CDK5RAP2: variants seen among roughly 807,000 people sequenced by gnomAD.
CDK5RAP2 encodes CDK5 regulatory subunit associated protein 2.
Under a neutral mutation model 232.9 loss-of-function variants are expected in CDK5RAP2, and 147 were observed. The ratio of observed to expected loss-of-function variants is 0.63; its 90% confidence interval spans 0.55 to 0.72. The LOEUF is 0.72. Ranked by LOEUF, CDK5RAP2 falls within the 30% of genes least tolerant of loss-of-function variation. The pLI, the probability that CDK5RAP2 is intolerant of heterozygous loss-of-function variation, is 0.00. For synonymous variants in CDK5RAP2, 833 were observed against 833.7 expected, an observed-to-expected ratio of 1.00 and a Z score of 0.01; for missense variants, 2,195 against 2,231.5, an observed-to-expected ratio of 0.98 and a Z score of 0.33.
intron 32 of CDK5RAP2, among the ~76,000 whole-genome samples, chr9:120,405,687 T>C (rs7019993): frequency 0.026 from 3,989 of 152,326 alleles, 176 homozygotes; most frequent in African/African-American, 0.091. Context: ...ACTTATGAGG[T>C]TCCCCTTGTA....
chr9:120,525,573 G>A (rs117715355), intron 10 of CDK5RAP2, among the ~76,000 whole-genome samples: 5 of 151,862 alleles, frequency 3.3e-5, no homozygotes, highest in Admixed American at 2.6e-4. Context: ...GAAGGGCTCC[G>A]ATCTCGGTTG....
chr9:120,520,759 TG>T (rs1564332266), intron 11 of CDK5RAP2, among the ~76,000 whole-genome samples: 3 of 119,480 alleles, frequency 2.5e-5, no homozygotes, highest in Non-Finnish European at 5.3e-5. Flanking sequence ...TCATATCTCA[TG>T]AGATATATCT....
intron 28 of CDK5RAP2, among the ~76,000 whole-genome samples, chr9:120,413,978 G>A (rs2034048315): frequency 6.6e-6 from 1 of 152,202 alleles, no homozygotes; most frequent in African/African-American, 2.4e-5. Flanking sequence ...CCTGGACAAG[G>A]GTCCAAGGAC....
At chr9:120,423,688 T>C (rs1362953944) in intron 25 of CDK5RAP2, among the ~76,000 whole-genome samples, 1 of 152,190 alleles carries the variant, frequency 6.6e-6, no homozygotes, top group African/African-American at 2.4e-5. Flanking sequence ...AAGACACTGA[T>C]GCGTGGCTAA....
intron 18 of CDK5RAP2, among the ~76,000 whole-genome samples, chr9:120,462,580 A>AG (rs2037151491): frequency 6.6e-6 from 1 of 152,264 alleles, no homozygotes; most frequent in Non-Finnish European, 1.5e-5. Flanking sequence ...GGCAATAAAA[A>AG]GGAACAAACT....
rs79371007 is a variant in CDK5RAP2 at position 120,522,627 on chromosome 9, T to C, written c.1092+2359A>G. Among the ~76,000 whole-genome samples, 143 of 152,322 alleles carry C rather than the reference T, an allele frequency of 9.4e-4. 5 individuals are homozygous for C. The East Asian group carries it at 0.027, about 28-fold the overall frequency. ...AGCTGGGAGGATGCCATTTCCAATT[T>C]GAAAGTTTTTTTTAAAATGAGTATG... On this transcript the variant is annotated intron_variant, in intron 11 of 37. Transcript: ENST00000349780.
chr9:120,572,708 G>A (rs953689701), intron 1 of CDK5RAP2, among the ~76,000 whole-genome samples: 2 of 152,184 alleles, frequency 1.3e-5, no homozygotes, highest in Admixed American at 6.5e-5. Flanking sequence ...GCTCTGCCAT[G>A]TATCTCTCTG....
chr9:120,538,083 A>T (rs1483432270), intron 6 of CDK5RAP2, among the ~76,000 whole-genome samples: 1 of 152,222 alleles, frequency 6.6e-6, no homozygotes, highest in Non-Finnish European at 1.5e-5. Flanking sequence ...GAGAACCTTC[A>T]TGTGGTTCTA....
chr9:120,575,482 G>C (rs936213471), intron 1 of CDK5RAP2, among the ~76,000 whole-genome samples: 3 of 152,162 alleles, frequency 2.0e-5, no homozygotes, highest in Non-Finnish European at 4.4e-5. Flanking sequence ...ACATATGCCA[G>C]CAACAATTGT....
intron 36 of CDK5RAP2, 83 bp from the exon 37 acceptor site, chr9:120,389,870 AC>A: frequency 7.8e-7 from 1 of 1,281,796 alleles, no homozygotes; most frequent in Non-Finnish European, 1.1e-6. Flanking sequence ...GGGAGGATGA[AC>A]CCCACCCCAA....
chr9:120,397,613 T>TA (rs1307178726), intron 35 of CDK5RAP2, among the ~76,000 whole-genome samples: 7 of 143,288 alleles, frequency 4.9e-5, no homozygotes, highest in African/African-American at 7.9e-5. Context: ...TATGACACCT[T>TA]AAAAAAAAAG....
At chr9:120,418,866 T>C (rs16909768) in intron 27 of CDK5RAP2, among the ~76,000 whole-genome samples, 13,617 of 152,244 alleles carry the variant, frequency 0.089, 1,290 homozygotes, top group African/African-American at 0.24. Flanking sequence ...AAAGGCACCA[T>C]ACTTATCTCT....
chr9:120,451,377 T>C (rs1392960377), intron 21 of CDK5RAP2, among the ~76,000 whole-genome samples: 1 of 152,166 alleles, frequency 6.6e-6, no homozygotes, highest in Non-Finnish European at 1.5e-5. Flanking sequence ...CACATGTATA[T>C]CAGTAAAGTC....
At chr9:120,558,697 G>A (rs1208716672) in intron 3 of CDK5RAP2, among the ~76,000 whole-genome samples, 1 of 152,164 alleles carries the variant, frequency 6.6e-6, no homozygotes, top group African/African-American at 2.4e-5. Context: ...GCGTCTGCCA[G>A]GGTGGCTCGA....
Position 120,389,275 on chromosome 9 carries a change from G to T in CDK5RAP2, c.5643C>A (p.Ala1881=). The change falls in exon 38 of 38, where the codon GCC becomes GCA. Residue 1881 remains alanine (A), a synonymous_variant. Coordinates refer to ENST00000349780, the MANE Select transcript of CDK5RAP2 (RefSeq NM_018249.6). The part of the protein sequence containing the change: ...RGNLELRPGG[A]HPGTCSPSRP... The stretch of plus-strand genomic sequence containing the variant: ...TGCTGGGACTGCATGTTCCTGGATG[G>T]GCTCCCCCAGGCCTAAGCTAGGAAA... 3 of 1,612,574 alleles carry T rather than the reference G, an allele frequency of 1.9e-6. No homozygotes were observed.
intron 22 of CDK5RAP2, 79 bp from the exon 23 acceptor site, chr9:120,443,821 C>T: frequency 1.3e-6 from 2 of 1,584,640 alleles, no homozygotes; most frequent in South Asian, 1.1e-5. Flanking sequence ...GAGAAGAACA[C>T]AAAGATACAA....
Position 120,537,626 on chromosome 9 carries a change from T to C in CDK5RAP2, c.508-1100A>G, listed in dbSNP as rs138983415. Among the ~76,000 whole-genome samples the C allele has an allele frequency of 3.8e-4, 57 of 151,886 alleles. No individual in the cohort carries two copies. The East Asian group carries it at 0.01, about 27-fold the overall frequency. On this transcript the variant is annotated intron_variant, in intron 6 of 37. Coordinates refer to ENST00000349780, the MANE Select transcript of CDK5RAP2 (RefSeq NM_018249.6). ...GCAGGTCTGAAGCCAGACTACCTGA[T>C]ATTTACTGTCTGTGTGACCCTGAGC...
chr9:120,537,754 C>T (rs10984949), intron 6 of CDK5RAP2, among the ~76,000 whole-genome samples: 20,823 of 151,480 alleles, frequency 0.14, 2,007 homozygotes, highest in East Asian at 0.29. Flanking sequence ...CAGAGGTTTA[C>T]TGAAAAGATT....
chr9:120,528,060 T>C, intron 9 of CDK5RAP2, 135 bp from the exon 10 acceptor site: 1 of 1,262,068 alleles, frequency 7.9e-7, no homozygotes, highest in South Asian at 1.3e-5. Context: ...TGTTTCCAAG[T>C]GGAGCTGAAC....
Sources: gnomAD v4.1 joint callset for allele counts (sites outside exome capture counted in the v4.1 genomes callset) on GRCh38, gnomAD v4.1.1 for gene constraint, MANE v1.5 for transcripts, NCBI Gene and HGNC (gene_info 2026-07-23, HGNC 2026-07-21) for gene names.